The following WFDC2 variants were observed in gnomAD, a reference collection of about 807,000 sequenced individuals.
WFDC2 encodes WAP four-disulfide core domain 2, also known as WAP four-disulfide core domain protein 2.
WFDC2 carries 8 observed loss-of-function variants against 12.5 expected under a neutral mutation model. The ratio of observed to expected loss-of-function variants is 0.64; its 90% confidence interval spans 0.37 to 1.15. WFDC2 has a LOEUF of 1.15. WFDC2 is among the 50% of genes most tolerant of loss of function. WFDC2 has a pLI of 0.01. For missense variants in WFDC2, 166 were observed against 159.9 expected, an observed-to-expected ratio of 1.04 and a Z score of -0.21; for synonymous variants, 74 against 67.2, an observed-to-expected ratio of 1.10 and a Z score of -0.49.
intron 2 of WFDC2, among the ~76,000 whole-genome samples, chr20:45,473,032 G>A (rs1188314782): frequency 6.6e-6 from 1 of 151,548 alleles, no homozygotes; most frequent in East Asian, 1.9e-4. Flanking sequence ...GTTCTAATGG[G>A]GTTTTTTTCT....
At chr20:45,479,658 C>G in intron 2 of WFDC2, 2 of 1,612,738 alleles carry the variant, frequency 1.2e-6, no homozygotes, top group Non-Finnish European at 8.5e-7. Flanking sequence ...TCCACTGGCA[C>G]CTAAAGACAC....
In WFDC2 at chr20:45,470,165, T is replaced by G. The variant is rs541700188; in HGVS notation, c.80-224T>G. 2.6e-5 allele frequency among the ~76,000 whole-genome samples: 4 copies of G among 152,148 alleles called. No homozygotes were observed. The highest frequency in any genetic ancestry group is 1.3e-4 in the Admixed American group (2 of 15,298). On this transcript the variant is annotated intron_variant, in intron 1 of 3. Transcript: ENST00000372676. The surrounding 1 kb of genome is among the most constrained non-coding windows in gnomAD (Gnocchi z 5.4). ...AGACGCTCAGCTGTGCGGCGTCCCC[T>G]AGGGCTGAGATCTGAGGGCCCCGAC...
rs909489389 is a variant in WFDC2, at chr20:45,469,925, A to C, written c.79+65A>C. On this transcript the variant is annotated intron_variant, in intron 1 of 3. Coordinates refer to ENST00000372676, the MANE Select transcript of WFDC2 (RefSeq NM_006103.4). ...GAGCCACGAGCGCCAGGATGGAGCCAGGCGGAGGCGTAGCCTCTGGAGGCT... is the reference window on the plus strand; with the variant it reads ...GAGCCACGAGCGCCAGGATGGAGCCCGGCGGAGGCGTAGCCTCTGGAGGCT... The C allele has an allele frequency of 3.8e-5, 59 of 1,548,314 alleles. No individual in the cohort carries two copies. In the African/African-American group the frequency reaches 7.5e-4, roughly 20 times the overall value.
intron 2 of WFDC2, among the ~76,000 whole-genome samples, chr20:45,479,022 A>G (rs577951218): frequency 6.6e-6 from 1 of 152,346 alleles, no homozygotes; most frequent in Non-Finnish European, 1.5e-5. Context: ...CAAAAGTTGG[A>G]AGCAACCATG....
intron 2 of WFDC2, among the ~76,000 whole-genome samples, chr20:45,472,452 C>T (rs557211686): frequency 4.1e-4 from 63 of 152,360 alleles, no homozygotes; most frequent in African/African-American, 1.5e-3. Context: ...ATGAACTCAT[C>T]ATTTGTTATG....
chr20:45,470,020 C>T lies in WFDC2; in HGVS notation c.79+160C>T, dbSNP rs1396596543. Among the ~76,000 whole-genome samples, 3 of 152,138 alleles carry T rather than the reference C, an allele frequency of 2.0e-5. No individual in the cohort carries two copies. The highest frequency in any genetic ancestry group is 7.2e-5 in the African/African-American group (3 of 41,434). ...AGCCTAGGGTGTGGGGTCCAATGTG[C>T]TGGAGGTGGAGAGACCACTGATGGC... On this transcript the variant is annotated intron_variant, in intron 1 of 3. Transcript: ENST00000372676. The surrounding 1 kb of genome is among the most constrained non-coding windows in gnomAD (Gnocchi z 5.4).
chr20:45,475,966 A>C (rs1185092486), intron 2 of WFDC2, among the ~76,000 whole-genome samples: 2 of 152,074 alleles, frequency 1.3e-5, no homozygotes, highest in East Asian at 3.9e-4. Context: ...TGTTGGTTTA[A>C]AGTCTGTTTT....
At chr20:45,478,209 G>GA (rs1161477668) in intron 2 of WFDC2, among the ~76,000 whole-genome samples, 5 of 151,440 alleles carry the variant, frequency 3.3e-5, no homozygotes, top group Non-Finnish European at 4.4e-5. Context: ...ACTGGGGTAT[G>GA]AAAAAAAAAT....
At chr20:45,475,486 G>A (rs1163721953) in intron 2 of WFDC2, among the ~76,000 whole-genome samples, 3 of 152,102 alleles carry the variant, frequency 2.0e-5, no homozygotes, top group South Asian at 2.1e-4. Flanking sequence ...AAGGTTATGC[G>A]GTCTTGAGTG....
chr20:45,478,943 C>T (rs1030966994), intron 2 of WFDC2, among the ~76,000 whole-genome samples: 3 of 152,224 alleles, frequency 2.0e-5, no homozygotes, highest in African/African-American at 4.8e-5. Flanking sequence ...CAGCTAATCA[C>T]CCAGTTCTGT....
Position 45,470,370 on chromosome 20 carries a change from C to A in WFDC2, c.80-19C>A. On this transcript the variant is annotated intron_variant, in intron 1 of 3. Transcript: ENST00000372676. The surrounding 1 kb of genome is among the most constrained non-coding windows in gnomAD (Gnocchi z 5.4). ...GGCGCTACGCCCCACCCTCGACTGT[C>A]CCGGGCCTCCCCTCCCAGGCACAGG... 1 of 1,569,960 alleles carries A rather than the reference C, an allele frequency of 6.4e-7. No homozygotes were observed.
chr20:45,479,623 A>T (rs771771652), intron 2 of WFDC2: 2 of 1,547,586 alleles, frequency 1.3e-6, no homozygotes, highest in Admixed American at 1.7e-5. Flanking sequence ...CTTTCACAAC[A>T]ACCCTATGTT....
rs955319722 is a variant in WFDC2, at chr20:45,480,243, A to G, written c.*1+149A>G. The stretch of plus-strand genomic sequence containing the variant: ...GGGGTGACCCTCAGCCTGTTCTAAA[A>G]GAAGAGTGAAAGGTGGGTAGTCTGA... On this transcript the variant is annotated intron_variant, in intron 3 of 3. Coordinates refer to ENST00000372676, the MANE Select transcript of WFDC2 (RefSeq NM_006103.4). The G allele has an allele frequency of 4.3e-6, 5 of 1,175,274 alleles. No individual in the cohort carries two copies. In the African/African-American group the frequency reaches 7.7e-5, roughly 18 times the overall value. 72.8% of individuals were successfully genotyped at this position (1,175,274 alleles called of 1,614,324 possible).
chr20:45,480,452 CA>C (rs61338717), intron 3 of WFDC2, among the ~76,000 whole-genome samples: 10,184 of 133,054 alleles, frequency 0.077, 376 homozygotes, highest in South Asian at 0.12. Context: ...CTAAAAATAC[CA>C]AAAAAAAAAA....
chr20:45,480,690 A>T (rs531299882), intron 3 of WFDC2, among the ~76,000 whole-genome samples: 2 of 152,158 alleles, frequency 1.3e-5, no homozygotes, highest in Non-Finnish European at 2.9e-5. Flanking sequence ...GTCATGTGCT[A>T]CTTTTAACAA....
Position 45,469,795 on chromosome 20 carries a change from G to C in WFDC2, c.14G>C (p.Arg5Pro). MPAC[R>P]LGPLAAALLL... ...GGGCATAGCACCATGCCTGCTTGTC[G>C]CCTAGGCCCGCTAGCCGCCGCCCTC... Residue 5 changes from arginine (R) to proline (P), a missense_variant, in exon 1 of 4, where the codon CGC becomes CCC. By Grantham distance (103) the Arg-to-Pro change is moderately radical. Transcript: ENST00000372676. 4 of 1,609,534 alleles carry C rather than the reference G, an allele frequency of 2.5e-6. No homozygotes were observed. The highest frequency in any genetic ancestry group is 3.4e-6 in the Non-Finnish European group (4 of 1,178,350).
intron 2 of WFDC2, among the ~76,000 whole-genome samples, chr20:45,475,179 T>C (rs562607237): frequency 8.3e-4 from 126 of 152,322 alleles, no homozygotes; most frequent in African/African-American, 2.9e-3. Flanking sequence ...TCTATCTCCT[T>C]TAGTTCTCTC....
rs749912153 is a variant in WFDC2 at position 45,469,817 on chromosome 20, C to A, written c.36C>A (p.Ala12=). 6 of 1,611,064 alleles carry A rather than the reference C, an allele frequency of 3.7e-6. No individual in the cohort carries two copies. The highest frequency in any genetic ancestry group is 1.6e-4 in the Middle Eastern group (1 of 6,078). The change falls in exon 1 of 4, where the codon GCC becomes GCA. Residue 12 remains alanine, a synonymous_variant. Transcript: ENST00000372676. The stretch of plus-strand genomic sequence containing the variant: ...GTCGCCTAGGCCCGCTAGCCGCCGC[C>A]CTCCTCCTCAGCCTGCTGCTGTTCG... The part of the protein sequence containing the change: ...PACRLGPLAA[A]LLLSLLLFGF...
intron 3 of WFDC2, 105 bp downstream of exon 3, chr20:45,480,199 T>C: frequency 6.6e-7 from 1 of 1,512,566 alleles, no homozygotes; most frequent in Non-Finnish European, 9.0e-7. Context: ...GCAGGGACAG[T>C]TGGGAAAGGT....
Sources: gnomAD v4.1 joint callset for allele counts (sites outside exome capture counted in the v4.1 genomes callset) on GRCh38, gnomAD v4.1.1 for gene constraint, Gnocchi (gnomAD v3.1) non-coding constraint, MANE v1.5 for transcripts, NCBI Gene and HGNC (gene_info 2026-07-23, HGNC 2026-07-21) for gene names.